TMPRSS15: variants seen among roughly 807,000 people sequenced by gnomAD.
TMPRSS15 encodes the protein enteropeptidase.
Under a neutral mutation model 125.3 loss-of-function variants are expected in TMPRSS15, and 128 were observed. The ratio of observed to expected loss-of-function variants is 1.02; its 90% CI spans 0.89 to 1.18. The LOEUF (loss-of-function observed/expected upper bound fraction) is 1.18. Among genes scored for constraint, TMPRSS15 ranks in the 50% most tolerant of loss-of-function variants. TMPRSS15 has a pLI of 0.00. For missense variants in TMPRSS15, 1,283 were observed against 1,212.7 expected (o/e 1.06, Z -0.86); for synonymous variants, 446 against 423.2 (o/e 1.05, Z -0.66).
intron 1 of TMPRSS15, among the ~76,000 whole-genome samples, chr21:18,402,667 A>G (rs2076107126): frequency 6.6e-6 from 1 of 152,184 alleles, no homozygotes; most frequent in South Asian, 2.1e-4. Context: ...AATTTTTTAA[A>G]TTTACCCTAT....
intron 18 of TMPRSS15, among the ~76,000 whole-genome samples, chr21:18,305,330 A>T (rs2146921712): frequency 6.6e-6 from 1 of 151,620 alleles, no homozygotes; most frequent in African/African-American, 2.4e-5. Context: ...CTGGGACTAC[A>T]GGCGCCCGCC....
intron 18 of TMPRSS15, among the ~76,000 whole-genome samples, chr21:18,310,000 C>G (rs1460782440): frequency 1.3e-5 from 2 of 152,044 alleles, no homozygotes; most frequent in Admixed American, 1.3e-4. Flanking sequence ...GAGAATATAA[C>G]AGGAACTGGA....
At chr21:18,270,784 T>A (rs1160989730) in intron 24 of TMPRSS15, among the ~76,000 whole-genome samples, 1 of 152,198 alleles carries the variant, frequency 6.6e-6, no homozygotes, top group Non-Finnish European at 1.5e-5. Flanking sequence ...ATTTCATAGA[T>A]TTTATTTGCA....
intron 4 of TMPRSS15, chr21:18,380,483 G>C: frequency 1.3e-5 from 6 of 458,094 alleles, no homozygotes; most frequent in South Asian, 9.6e-5. Flanking sequence ...TATTTTCCTA[G>C]GTGATAGAGT....
Position 18,280,586 on chromosome 21 carries a change from A to AAAAAAACAAAC in TMPRSS15, c.2668+453_2668+454insGTTTGTTTTTT, listed in dbSNP as rs1555890686. ...GCGAGACTCCGTCTCAAAAAAAAAA[A>AAAAAAACAAAC]AAAAAAAAACAACAAAACAACAAAA... On this transcript the variant is annotated intron_variant, in intron 22 of 24. Coordinates refer to ENST00000284885, the MANE Select transcript of TMPRSS15 (RefSeq NM_002772.3). Among the ~76,000 whole-genome samples, 301 of 149,080 alleles carry AAAAAAACAAAC rather than the reference A, an allele frequency of 2.0e-3. 10 individuals are homozygous for AAAAAAACAAAC. Among genetic ancestry groups the AAAAAAACAAAC allele is most frequent in the African/African-American group, 7.4e-3 (288 of 39,050 alleles).
rs537221330 is a variant in TMPRSS15, at chr21:18,341,353, G to T, written c.1564+60C>A. ...CCCGAAGTGCTGGAATTATAGCTGT[G>T]AGCCTCCACACCTGACGTTAATGAT... On this transcript the variant is annotated intron_variant, in intron 13 of 24. Transcript: ENST00000284885. 4 of 1,604,654 alleles carry T rather than the reference G, an allele frequency of 2.5e-6. No homozygotes were observed. In the Admixed American group the frequency reaches 5.0e-5, roughly 20 times the overall value.
chr21:18,350,747 A>G (rs1223641429), intron 10 of TMPRSS15, among the ~76,000 whole-genome samples: 2 of 151,532 alleles, frequency 1.3e-5, no homozygotes, highest in Non-Finnish European at 1.5e-5. Flanking sequence ...GGAACAATTA[A>G]TTATATATAT....
chr21:18,343,929 C>G (rs201343676), intron 11 of TMPRSS15, 26 bp downstream of exon 11: 33 of 1,589,014 alleles, frequency 2.1e-5, no homozygotes, highest in Admixed American at 1.7e-5. Flanking sequence ...AAAAAGACAG[C>G]GTTTAAACAG....
chr21:18,412,346 A>G (rs1185135148), intron 1 of TMPRSS15, among the ~76,000 whole-genome samples: 1 of 152,196 alleles, frequency 6.6e-6, no homozygotes, highest in African/African-American at 2.4e-5. Flanking sequence ...TCAGTTTTCC[A>G]CATCCGCTTG....
intron 21 of TMPRSS15, among the ~76,000 whole-genome samples, chr21:18,293,957 C>T (rs973898232): frequency 2.0e-5 from 3 of 152,118 alleles, no homozygotes; most frequent in African/African-American, 2.4e-5. Context: ...ACTAATTTCA[C>T]GCTCTTAAAA....
rs2076241926 is a variant in TMPRSS15, at chr21:18,441,636, AAAG to A, written c.11-43310_11-43308del. Among the ~76,000 whole-genome samples the A allele has an allele frequency of 1.3e-5, 2 of 148,470 alleles. 1 individual carries two copies. Among genetic ancestry groups the A allele is most frequent in the East Asian group, 3.9e-4 (2 of 5,090 alleles). ...AAAAAAAAAAAAAAGAAAGAAAAGA[AAAG>A]AAGATTGTCAACTTTAGGACACATT... On this transcript the variant is annotated intron_variant, in intron 1 of 7. Transcript: ENST00000422787.
intron 1 of TMPRSS15, among the ~76,000 whole-genome samples, chr21:18,410,494 C>T (rs1375351112): frequency 6.6e-6 from 1 of 151,792 alleles, no homozygotes; most frequent in Non-Finnish European, 1.5e-5. Context: ...GCTTACCAGT[C>T]ACCTGTTTTT....
chr21:18,362,524 A>G (rs1298190654), intron 7 of TMPRSS15, among the ~76,000 whole-genome samples: 2 of 152,124 alleles, frequency 1.3e-5, no homozygotes, highest in African/African-American at 4.8e-5. Flanking sequence ...AGAAAATTCA[A>G]CTCACTTCCA....
At chr21:18,304,299 C>T (rs578127699) in intron 18 of TMPRSS15, among the ~76,000 whole-genome samples, 19 of 152,022 alleles carry the variant, frequency 1.2e-4, no homozygotes, top group Admixed American at 1.0e-3. Context: ...TTTTTATTAC[C>T]AGGTGAAATC....
At chr21:18,383,910 T>C in intron 3 of TMPRSS15, 132 bp from the exon 4 acceptor site, 1 of 1,060,746 alleles carries the variant, frequency 9.4e-7, no homozygotes, top group Non-Finnish European at 1.4e-6. Flanking sequence ...CTGTGTAAGG[T>C]AGTCACTTCA....
At chr21:18,299,657 T>C (rs1025909020) in intron 18 of TMPRSS15, among the ~76,000 whole-genome samples, 1 of 152,190 alleles carries the variant, frequency 6.6e-6, no homozygotes, top group Non-Finnish European at 1.5e-5. Flanking sequence ...AGTTTCCTCA[T>C]TCAGCTGAAT....
intron 3 of TMPRSS15, among the ~76,000 whole-genome samples, chr21:18,394,446 G>A (rs975499803): frequency 6.6e-6 from 1 of 151,890 alleles, no homozygotes; most frequent in African/African-American, 2.4e-5. Flanking sequence ...TCAGGAGGAG[G>A]TAAAGAAAAA....
Position 18,352,971 on chromosome 21 carries a change from C to T in TMPRSS15, c.1103G>A (p.Arg368Lys), listed in dbSNP as rs1399897574. The change falls in exon 10 of 25, where the codon AGG becomes AAG. Residue 368 changes from arginine (R) to lysine (K), a missense_variant. Arg to Lys is a conservative substitution (Grantham distance 26). Coordinates refer to ENST00000284885, the MANE Select transcript of TMPRSS15 (RefSeq NM_002772.3). ...AGGAGAAAAGGTGCTTCCCTGAATC[C>T]TTTCCCATTCATTATCATCATTTAG... is the stretch of plus-strand genomic sequence containing the variant. Reference protein sequence around the residue: ...QDLNDDNEWERIQGSTFSPFT... With the variant: ...QDLNDDNEWEKIQGSTFSPFT... The T allele has an allele frequency of 1.2e-6, 2 of 1,612,112 alleles. No homozygotes were observed. Among genetic ancestry groups the T allele is most frequent in the East Asian group, 2.2e-5 (1 of 44,760 alleles).
At chr21:18,284,149 G>T (rs996670305) in intron 21 of TMPRSS15, among the ~76,000 whole-genome samples, 3 of 152,030 alleles carry the variant, frequency 2.0e-5, no homozygotes, top group Admixed American at 6.6e-5. Context: ...AAATTCCGCC[G>T]CCATGTATCA....
Sources: gnomAD v4.1 joint callset for allele counts (sites outside exome capture counted in the v4.1 genomes callset) on GRCh38, gnomAD v4.1.1 for gene constraint, MANE v1.5 for transcripts, NCBI Gene and HGNC (gene_info 2026-07-23, HGNC 2026-07-21) for gene names.